The following TP53BP1 variants were observed in gnomAD, a reference collection of about 807,000 sequenced individuals.
TP53BP1 encodes the protein tumor protein p53 binding protein 1, also known as TP53-binding protein 1.
Under a neutral mutation model 200.8 loss-of-function variants are expected in TP53BP1, and 61 were observed. That is an observed-to-expected ratio of 0.30 (90% confidence interval 0.25 to 0.38). The LOEUF is 0.38. TP53BP1 is among the 10% of genes least tolerant of loss of function. The pLI is 1.00. For synonymous variants in TP53BP1, 822 were observed against 844.3 expected, an observed-to-expected ratio of 0.97 and a Z score of 0.46; for missense variants, 2,144 against 2,371.9, an observed-to-expected ratio of 0.90 and a Z score of 2.00.
At chr15:43,509,111 A>G (rs2079254794) in intron 1 of TP53BP1, among the ~76,000 whole-genome samples, 2 of 141,530 alleles carry the variant, frequency 1.4e-5, no homozygotes, top group African/African-American at 5.3e-5. Flanking sequence ...CTCTGCCTCC[A>G]CATGGTACTC....
chr15:43,433,717 T>C (rs2142998981), intron 16 of TP53BP1, among the ~76,000 whole-genome samples: 1 of 152,286 alleles, frequency 6.6e-6, no homozygotes, highest in Middle Eastern at 3.4e-3. Context: ...AGACCACATC[T>C]GGAATATCTG....
Position 43,422,085 on chromosome 15 carries a change from A to C in TP53BP1, c.3870T>G (p.Thr1290=), listed in dbSNP as rs776319778. Reference sequence around the variant, plus strand: ...CCCCAGTCTGTGAAGGGGAAACTTCAGTTTCACACTCCTGACACTCTACAA... The same window carrying C: ...CCCCAGTCTGTGAAGGGGAAACTTCCGTTTCACACTCCTGACACTCTACAA... ...EPIVECQECE[T]EVSPSQTGGS... The change falls in exon 19 of 28, where the codon ACT becomes ACG. Residue 1290 remains threonine (T), a synonymous_variant. Coordinates refer to ENST00000382044, the MANE Select transcript of TP53BP1 (RefSeq NM_001141980.3). The C allele has an allele frequency of 2.5e-6, 4 of 1,614,198 alleles. No homozygotes were observed. The Admixed American group carries it at 6.7e-5, about 27-fold the overall frequency.
Position 43,415,758 on chromosome 15 carries a change from G to C in TP53BP1, c.4925C>G (p.Ala1642Gly). The C allele has an allele frequency of 6.2e-7, 1 of 1,614,136 alleles. No individual in the cohort carries two copies. The highest frequency in any genetic ancestry group is 8.5e-7 in the Non-Finnish European group (1 of 1,180,020). Residue 1642 changes from alanine to glycine, a missense_variant, in exon 23 of 28, where the codon GCC becomes GGC. This residue lies in a region of TP53BP1 where 334 missense variants were observed against 453.4 expected (regional missense o/e 0.74). Transcript: ENST00000382044. Reference protein sequence around the residue: ...RKRRSNVSSPATPTASSSSST... With the variant: ...RKRRSNVSSPGTPTASSSSST... Reference sequence around the variant, plus strand: ...GCTGCTACTGGAGGCAGTAGGGGTGGCTGGGGAGCTGACGTTACTGCGCCG... The same window carrying C: ...GCTGCTACTGGAGGCAGTAGGGGTGCCTGGGGAGCTGACGTTACTGCGCCG...
chr15:43,446,720 T>A, intron 13 of TP53BP1, 130 bp from the exon 14 acceptor site: 2 of 1,524,082 alleles, frequency 1.3e-6, no homozygotes, highest in African/African-American at 2.8e-5. Context: ...GTTCCTAGGA[T>A]AGATCCCTGT....
At chr15:43,421,301 T>A in intron 19 of TP53BP1, 127 bp from the exon 20 acceptor site, 1 of 956,578 alleles carries the variant, frequency 1.0e-6, no homozygotes, top group Non-Finnish European at 1.6e-6. Context: ...AGCAGGAAGC[T>A]GGTTCACACA....
At chr15:43,413,994 G>A in intron 23 of TP53BP1, 1 of 386,496 alleles carries the variant, frequency 2.6e-6, no homozygotes, top group Non-Finnish European at 5.3e-6. Flanking sequence ...CAGCCAGCCA[G>A]AACACCCATG....
intron 24 of TP53BP1, among the ~76,000 whole-genome samples, chr15:43,412,277 T>A (rs1022781263): frequency 1.3e-5 from 2 of 152,212 alleles, no homozygotes; most frequent in Non-Finnish European, 2.9e-5. Context: ...CTCACAGATG[T>A]CCAGTGGTGC....
chr15:43,471,473 C>A lies in TP53BP1; in HGVS notation c.1181-1407G>T, dbSNP rs183247493. ...ACAGGGTCTCGCTCTGTTGTCCAGG[C>A]TGCGACGCAGTGGTGCCACCTTGGC... On this transcript the variant is annotated intron_variant, in intron 10 of 27. Coordinates refer to ENST00000382044, the MANE Select transcript of TP53BP1 (RefSeq NM_001141980.3). Among the ~76,000 whole-genome samples the A allele has an allele frequency of 1.7e-3, 255 of 152,008 alleles. 1 individual carries two copies. The highest frequency in any genetic ancestry group is 5.7e-3 in the African/African-American group (238 of 41,472).
intron 7 of TP53BP1, 46 bp from the exon 8 acceptor site, chr15:43,477,805 G>GT: frequency 7.2e-7 from 1 of 1,391,824 alleles, no homozygotes; most frequent in East Asian, 2.5e-5. Context: ...AAGTTCAAAT[G>GT]TTTTTAAATA....
At chr15:43,442,985 C>T (rs555132264) in intron 14 of TP53BP1, among the ~76,000 whole-genome samples, 12 of 151,370 alleles carry the variant, frequency 7.9e-5, no homozygotes, top group African/African-American at 2.9e-4. Context: ...GCCACCATGT[C>T]CGGCTAATTT....
chr15:43,500,679 G>C (rs1037302662), intron 1 of TP53BP1, among the ~76,000 whole-genome samples: 2 of 151,970 alleles, frequency 1.3e-5, no homozygotes, highest in Non-Finnish European at 2.9e-5. Flanking sequence ...AAATTAGCTG[G>C]GCATGGTGGC....
rs1338231070 is a variant in TP53BP1, at chr15:43,406,714, A to G, written c.*669T>C. On this transcript the variant is annotated 3_prime_UTR_variant, in exon 28 of 28. Transcript: ENST00000382044. ...TATTGTGACAATAATAATAATAATA[A>G]TATTGGGTCTTTGACTAGAACGTGT... 2.4e-6 allele frequency: 1 copy of G among 422,658 alleles called. No homozygotes were observed. Among genetic ancestry groups the G allele is most frequent in the Admixed American group, 2.8e-5 (1 of 35,330 alleles). The allele number at this position is 422,658 out of a possible 1,614,324, so 26.2% of individuals were successfully genotyped here.
chr15:43,469,172 G>A (rs1460576904), intron 11 of TP53BP1, among the ~76,000 whole-genome samples: 1 of 152,054 alleles, frequency 6.6e-6, no homozygotes, highest in African/African-American at 2.4e-5. Context: ...AACTCAGTAT[G>A]AAACCTGAAT....
At chr15:43,428,586 T>C (rs1481323444) in intron 17 of TP53BP1, among the ~76,000 whole-genome samples, 2 of 152,212 alleles carry the variant, frequency 1.3e-5, no homozygotes, top group African/African-American at 4.8e-5. Flanking sequence ...TAGTCCTTTA[T>C]ATAAAACCAG....
chr15:43,468,377 T>C (rs774616766), intron 11 of TP53BP1, among the ~76,000 whole-genome samples: 1 of 152,012 alleles, frequency 6.6e-6, no homozygotes, highest in Non-Finnish European at 1.5e-5. Context: ...ATACCCCGTC[T>C]CTATAAGAAA....
chr15:43,478,558 A>G (rs1305910346), intron 7 of TP53BP1, among the ~76,000 whole-genome samples: 1 of 152,186 alleles, frequency 6.6e-6, no homozygotes, highest in Non-Finnish European at 1.5e-5. Context: ...GCCATATTCA[A>G]ACTTCACTTA....
intron 14 of TP53BP1, among the ~76,000 whole-genome samples, chr15:43,443,122 G>A (rs2444248): frequency 0.035 from 5,320 of 151,636 alleles, 302 homozygotes; most frequent in African/African-American, 0.12. Flanking sequence ...CACCACACCC[G>A]GCCAGCAGTA....
At position 43,416,252 on chromosome 15, in the gene TP53BP1, G is replaced by C. The variant is rs1020437356; in HGVS notation, c.4846C>G (p.Leu1616Val). 4 of 1,613,840 alleles carry C rather than the reference G, an allele frequency of 2.5e-6. No individual in the cohort carries two copies. Among genetic ancestry groups the C allele is most frequent in the African/African-American group, 1.3e-5 (1 of 74,936 alleles). Residue 1616 changes from leucine to valine, a missense_variant, in exon 22 of 28, where the codon CTT becomes GTT. By Grantham distance (32) the Leu-to-Val change is conservative. Coordinates refer to ENST00000382044, the MANE Select transcript of TP53BP1 (RefSeq NM_001141980.3). ...AAGCTGATATCTGCTGCCTTTGTAAGAGGTGTTACTGCTTCATAGGGGCCA... is the reference window on the plus strand; with the variant it reads ...AAGCTGATATCTGCTGCCTTTGTAACAGGTGTTACTGCTTCATAGGGGCCA... Reference protein sequence around the residue: ...GLGPYEAVTPLTKAADISLDN... With the variant: ...GLGPYEAVTPVTKAADISLDN...
rs767052008 is a variant in TP53BP1, at chr15:43,405,211, G to A, written c.*2172C>T. 7 of 1,614,012 alleles carry A rather than the reference G, an allele frequency of 4.3e-6. No homozygotes were observed. In the African/African-American group the frequency reaches 6.7e-5, roughly 15 times the overall value. The stretch of plus-strand genomic sequence containing the variant: ...TTTTTCTCTTTTGTAGTTTCGGGAT[G>A]TGAAAATTTCTGGCTCATAAATTGA... On this transcript the variant is annotated 3_prime_UTR_variant, in exon 28 of 28. Coordinates refer to ENST00000382044, the MANE Select transcript of TP53BP1 (RefSeq NM_001141980.3).
Sources: allele counts gnomAD v4.1 joint callset (sites outside exome capture counted in the v4.1 genomes callset), GRCh38; gene constraint gnomAD v4.1.1; regional missense constraint gnomAD v4.1.1; transcripts MANE v1.5; gene names NCBI Gene and HGNC (gene_info 2026-07-23, HGNC 2026-07-21).